MARCO: variants seen among roughly 807,000 people sequenced by gnomAD.
MARCO encodes macrophage receptor MARCO.
MARCO carries 72 observed loss-of-function variants against 70.0 expected under a neutral mutation model. The ratio of observed to expected loss-of-function variants is 1.03; its 90% confidence interval spans 0.85 to 1.25. The LOEUF (loss-of-function observed/expected upper bound fraction) is 1.25, where lower values mean the gene tolerates loss of function less well. MARCO is among the 50% of genes most tolerant of loss of function. MARCO has a pLI of 0.00. For synonymous variants in MARCO, 273 were observed against 243.1 expected, an observed-to-expected ratio of 1.12 and a Z score of -1.14; for missense variants, 696 against 659.3, an observed-to-expected ratio of 1.06 and a Z score of -0.61.
intron 12 of MARCO, 70 bp downstream of exon 12, chr2:118,982,480 T>C: frequency 6.9e-7 from 1 of 1,443,126 alleles, no homozygotes; most frequent in Non-Finnish European, 9.8e-7. Context: ...GAAAAACTGC[T>C]TCTTCTTAGG....
At chr2:118,985,329 C>T (rs550014030) in intron 12 of MARCO, among the ~76,000 whole-genome samples, 1 of 152,302 alleles carries the variant, frequency 6.6e-6, no homozygotes, top group Non-Finnish European at 1.5e-5. Context: ...ACACCTCCCA[C>T]TCCTCCATAA....
In MARCO at chr2:118,942,321, C is replaced by G. The variant is rs375358428; in HGVS notation, c.21C>G (p.Leu7=). MRNKKI[L]KEDELLSETQ... Reference sequence around the variant, plus strand: ...TGGCAATGAGAAATAAGAAAATTCTCAAGGAGGACGAGCTCTTGAGTGAGA... The same window carrying G: ...TGGCAATGAGAAATAAGAAAATTCTGAAGGAGGACGAGCTCTTGAGTGAGA... The change falls in exon 1 of 17, where the codon CTC becomes CTG. Residue 7 remains leucine (L), a synonymous_variant. Coordinates refer to ENST00000327097, the MANE Select transcript of MARCO (RefSeq NM_006770.4). The G allele has an allele frequency of 3.1e-6, 5 of 1,613,506 alleles. No individual in the cohort carries two copies. Among genetic ancestry groups the G allele is most frequent in the Admixed American group, 1.7e-5 (1 of 60,002 alleles).
At chr2:118,992,335 C>T (rs917451729) in intron 14 of MARCO, 97 bp from the exon 15 acceptor site, 1 of 988,520 alleles carries the variant, frequency 1.0e-6, no homozygotes, top group Non-Finnish European at 1.6e-6. Flanking sequence ...CATCTGACCA[C>T]TCCCAACCCT....
chr2:118,980,451 C>G (rs1451471128), intron 8 of MARCO, among the ~76,000 whole-genome samples: 1 of 152,216 alleles, frequency 6.6e-6, no homozygotes, highest in Non-Finnish European at 1.5e-5. Context: ...TTCTTCCTCA[C>G]CTCTTCAGAG....
At chr2:118,957,852 A>G (rs190053792) in intron 1 of MARCO, among the ~76,000 whole-genome samples, 237 of 152,278 alleles carry the variant, frequency 1.6e-3, no homozygotes, top group African/African-American at 5.6e-3. Flanking sequence ...TAACATTCCC[A>G]GGTCAATAAA....
chr2:118,978,944 C>G (rs1303526858), intron 8 of MARCO, among the ~76,000 whole-genome samples: 1 of 152,138 alleles, frequency 6.6e-6, no homozygotes, highest in Non-Finnish European at 1.5e-5. Flanking sequence ...TGATATGGCT[C>G]ACTAACTGTG....
At chr2:118,981,353 A>C in intron 8 of MARCO, 56 bp from the exon 9 acceptor site, 2 of 1,110,396 alleles carry the variant, frequency 1.8e-6, no homozygotes, top group Non-Finnish European at 2.7e-6. Flanking sequence ...AGAGGAGGAC[A>C]TGGTGGCCTG....
chr2:118,953,946 T>C (rs1679777479), intron 1 of MARCO, among the ~76,000 whole-genome samples: 1 of 152,146 alleles, frequency 6.6e-6, no homozygotes, highest in South Asian at 2.1e-4. Flanking sequence ...AGCCCACTCC[T>C]GGCTGGCACC....
intron 1 of MARCO, among the ~76,000 whole-genome samples, chr2:118,956,399 G>T (rs72836143): frequency 0.13 from 18,734 of 149,222 alleles, 2,071 homozygotes; most frequent in South Asian, 0.28. Flanking sequence ...AGACAAAAAG[G>T]GACATTATGT....
At chr2:118,954,770 C>G (rs1420355338) in intron 1 of MARCO, among the ~76,000 whole-genome samples, 1 of 152,090 alleles carries the variant, frequency 6.6e-6, no homozygotes, top group African/African-American at 2.4e-5. Flanking sequence ...CCAGTACCAG[C>G]CTGGAGCTGG....
chr2:118,977,051 T>C (rs545329593), intron 6 of MARCO, among the ~76,000 whole-genome samples: 3 of 152,334 alleles, frequency 2.0e-5, no homozygotes, highest in African/African-American at 7.2e-5. Flanking sequence ...ACTAGCTCTC[T>C]TGGTAACTAA....
At chr2:118,943,623 G>A (rs1679544054) in intron 1 of MARCO, among the ~76,000 whole-genome samples, 1 of 152,224 alleles carries the variant, frequency 6.6e-6, no homozygotes, top group South Asian at 2.1e-4. Flanking sequence ...GAGCCCTGGA[G>A]GGCAGAGCTG....
At chr2:118,977,381 C>A in intron 6 of MARCO, 90 bp from the exon 7 acceptor site, 1 of 1,082,132 alleles carries the variant, frequency 9.2e-7, no homozygotes, top group South Asian at 1.3e-5. Context: ...GAACCTTGCT[C>A]AACTAAGGGA....
chr2:118,985,531 A>G (rs1181528981), intron 12 of MARCO, among the ~76,000 whole-genome samples: 1 of 152,116 alleles, frequency 6.6e-6, no homozygotes, highest in Non-Finnish European at 1.5e-5. Flanking sequence ...TTTATTAAGC[A>G]AGGCACCATA....
At chr2:118,983,879 A>G (rs1680439337) in intron 12 of MARCO, among the ~76,000 whole-genome samples, 1 of 152,168 alleles carries the variant, frequency 6.6e-6, no homozygotes, top group African/African-American at 2.4e-5. Context: ...TTTTACCCAC[A>G]GGAGCATTGT....
At chr2:118,944,134 A>G (rs964600441) in intron 1 of MARCO, among the ~76,000 whole-genome samples, 1 of 152,162 alleles carries the variant, frequency 6.6e-6, no homozygotes, top group South Asian at 2.1e-4. Flanking sequence ...TGTGTCACCA[A>G]TTAAAAATGT....
chr2:118,971,433 C>T, intron 3 of MARCO, 66 bp from the exon 4 acceptor site: 2 of 1,523,904 alleles, frequency 1.3e-6, no homozygotes, highest in Non-Finnish European at 9.1e-7. Flanking sequence ...CCTGGGCACT[C>T]TCAGTTGGGG....
intron 1 of MARCO, among the ~76,000 whole-genome samples, chr2:118,954,375 G>T (rs1679787301): frequency 6.6e-6 from 1 of 152,130 alleles, no homozygotes; most frequent in African/African-American, 2.4e-5. Context: ...CCAGTGACCT[G>T]GGAATCTCAC....
rs1159638961 is a variant in MARCO at position 118,992,484 on chromosome 2, C to G, written c.1252+8C>G. 1 of 1,607,098 alleles carries G rather than the reference C, an allele frequency of 6.2e-7. No homozygotes were observed. Among genetic ancestry groups the G allele is most frequent in the Non-Finnish European group, 8.5e-7 (1 of 1,173,660 alleles). ...GAGAAAAAGGTGAAAGAGGTAATCA[C>G]TATTTATATTATCTTTAATGTGTGC... On this transcript the variant is annotated splice_region_variant and intron_variant, in intron 15 of 16. Coordinates refer to ENST00000327097, the MANE Select transcript of MARCO (RefSeq NM_006770.4).
Sources: allele counts gnomAD v4.1 joint callset (sites outside exome capture counted in the v4.1 genomes callset), GRCh38; gene constraint gnomAD v4.1.1; transcripts MANE v1.5; gene names NCBI Gene and HGNC (gene_info 2026-07-23, HGNC 2026-07-21).